Variants in ZNF468 observed in about 807,000 individuals in gnomAD.
The protein encoded by ZNF468 is zinc finger protein ZNF468.
ZNF468 carries 8 observed loss-of-function variants against 7.2 expected under a neutral mutation model. That is an observed-to-expected ratio of 1.11 (90% CI 0.65 to 2.01). The LOEUF is 2.01. Ranked by LOEUF, ZNF468 falls within the 30% of genes most tolerant of loss-of-function variation. The pLI, the probability that ZNF468 is intolerant of heterozygous loss-of-function variation, is 0.00. For missense variants in ZNF468, 608 were observed against 626.5 expected, an observed-to-expected ratio of 0.97 and a Z score of 0.31; for synonymous variants, 218 against 214.4, an observed-to-expected ratio of 1.02 and a Z score of -0.15.
chr19:52,839,984 G>A lies in ZNF468; in HGVS notation c.*741C>T, dbSNP rs1231132761. ...TTCCCTATACCATGGATTGCTTGAT[G>A]GTGAATAAGTGGTGACTGCCCACTA... On this transcript the variant is annotated 3_prime_UTR_variant, in exon 4 of 4. Coordinates refer to ENST00000595646, the MANE Select transcript of ZNF468 (RefSeq NM_001008801.2). 2.2e-5 allele frequency: 28 copies of A among 1,300,392 alleles called. No individual in the cohort carries two copies. Among genetic ancestry groups the A allele is most frequent in the Non-Finnish European group, 2.8e-5 (27 of 971,558 alleles). The allele number at this position is 1,300,392 out of a possible 1,614,324, so 80.6% of individuals were successfully genotyped here.
intron 2 of ZNF468, among the ~76,000 whole-genome samples, chr19:52,850,655 T>G (rs1207866715): frequency 2.0e-5 from 3 of 151,864 alleles, no homozygotes; most frequent in Non-Finnish European, 4.4e-5. Flanking sequence ...ATCCCAGCAC[T>G]TTGGGAGGCC....
rs750119524 is a variant in ZNF468, at chr19:52,842,067, C to T, written c.227G>A (p.Arg76Lys). The change falls in exon 4 of 4, where the codon AGA (arginine) becomes AAA (lysine). Residue 76 changes from arginine (R) to lysine (K), a missense_variant. Physicochemically the swap from Arg to Lys is conservative, Grantham distance 26. Coordinates refer to ENST00000595646, the MANE Select transcript of ZNF468 (RefSeq NM_001008801.2). The part of the protein sequence containing the change: ...TEVIHTGTLH[R>K]QASHHIGEFC... ...TTCTCCAATGTGATGACTTGCTTGT[C>T]TGTGCAATGTCCCTGTGTGGATCAC... 9 of 1,613,872 alleles carry T rather than the reference C, an allele frequency of 5.6e-6. No individual in the cohort carries two copies. Among genetic ancestry groups the T allele is most frequent in the Admixed American group, 3.3e-5 (2 of 59,984 alleles).
At chr19:52,853,003 C>T (rs930234329) in intron 2 of ZNF468, among the ~76,000 whole-genome samples, 1 of 151,528 alleles carries the variant, frequency 6.6e-6, no homozygotes, top group Non-Finnish European at 1.5e-5. Flanking sequence ...TACAGGTGCC[C>T]ACCACCACAC....
rs1473657844 is a variant in ZNF468, at chr19:52,841,829, C to G, written c.465G>C (p.Gln155His). 6.2e-7 allele frequency: 1 copy of G among 1,614,056 alleles called. No individual in the cohort carries two copies. Among genetic ancestry groups the G allele is most frequent in the Admixed American group, 1.7e-5 (1 of 60,008 alleles). The change falls in exon 4 of 4, where the codon CAG becomes CAC. Residue 155 changes from glutamine to histidine, a missense_variant. Physicochemically the swap from Gln to His is conservative, Grantham distance 24 (BLOSUM62 0). Transcript: ENST00000595646. The stretch of plus-strand genomic sequence containing the variant: ...CTTGATTACCAATTTTCCCTTCAGA[C>G]TGAAATATGTGCGGTTCAGGCAGAT... The part of the protein sequence containing the change: ...HLHLPEPHIF[Q>H]SEGKIGNQVE...
intron 1 of ZNF468, among the ~76,000 whole-genome samples, chr19:52,855,489 A>T (rs909412942): frequency 2.6e-5 from 4 of 152,316 alleles, no homozygotes; most frequent in South Asian, 4.2e-4. Context: ...ACTGGCAGGG[A>T]CCCTGAACAC....
chr19:52,845,039 A>G lies in ZNF468; in HGVS notation c.143-2888T>C, dbSNP rs532563028. 35 of 152,388 alleles carry G rather than the reference A, an allele frequency of 2.3e-4. 1 individual carries two copies. The highest frequency in any genetic ancestry group is 7.9e-4 in the African/African-American group (33 of 41,570). 9.4% of individuals were successfully genotyped at this position (152,388 alleles called of 1,614,324 possible). The stretch of plus-strand genomic sequence containing the variant: ...TGAGACAGGCAAAGTGTGGTGGCTC[A>G]TGCCAGTAATCCCAGCATTTTGGGA... On this transcript the variant is annotated intron_variant, in intron 3 of 3. Transcript: ENST00000595646.
intron 1 of ZNF468, among the ~76,000 whole-genome samples, chr19:52,857,266 T>A (rs1176496320): frequency 2.0e-5 from 3 of 152,066 alleles, no homozygotes; most frequent in Non-Finnish European, 4.4e-5. Context: ...GGAATACACC[T>A]CTAGGGTGAG....
At chr19:52,854,211 A>T in intron 2 of ZNF468, 47 bp downstream of exon 2, 1 of 1,613,268 alleles carries the variant, frequency 6.2e-7, no homozygotes, top group Non-Finnish European at 8.5e-7. Flanking sequence ...GGCCCAGGGT[A>T]TCTGAAAGGA....
In ZNF468 at chr19:52,854,528, G is replaced by A. The variant is rs540535748; in HGVS notation, c.-73-183C>T. 3.9e-5 allele frequency among the ~76,000 whole-genome samples: 6 copies of A among 152,160 alleles called. No individual in the cohort carries two copies. In the East Asian group the frequency reaches 7.7e-4, roughly 20 times the overall value. On this transcript the variant is annotated intron_variant, in intron 1 of 3. Transcript: ENST00000595646. The stretch of plus-strand genomic sequence containing the variant: ...TCCTCCTGGAGAAGCCCACACACAC[G>A]CTGCAGCAGTGGGGAGCTGGGCTGG...
intron 3 of ZNF468, chr19:52,846,601 A>C (rs1486735969): frequency 3.9e-5 from 6 of 155,792 alleles, no homozygotes; most frequent in Non-Finnish European, 7.0e-5. Flanking sequence ...AACACACTTC[A>C]CTTCTACGTA....
intron 3 of ZNF468, 59 bp downstream of exon 3, chr19:52,849,028 A>T: frequency 6.3e-7 from 1 of 1,599,964 alleles, no homozygotes; most frequent in South Asian, 1.1e-5. Flanking sequence ...CCTAAGAGAC[A>T]ATAAGAGAAA....
At chr19:52,855,687 C>CTT (rs66517452) in intron 1 of ZNF468, among the ~76,000 whole-genome samples, 9 of 120,030 alleles carry the variant, frequency 7.5e-5, no homozygotes, top group Admixed American at 2.5e-4. Flanking sequence ...CATTCTTCTG[C>CTT]TTTTTTTTTT....
chr19:52,847,511 C>T (rs1479253030), intron 3 of ZNF468, among the ~76,000 whole-genome samples: 5 of 151,228 alleles, frequency 3.3e-5, no homozygotes, highest in Non-Finnish European at 7.4e-5. Flanking sequence ...AGGGAGGCCT[C>T]TTTGCAGTTG....
At chr19:52,847,227 T>G (rs1001194756) in intron 3 of ZNF468, among the ~76,000 whole-genome samples, 2 of 152,006 alleles carry the variant, frequency 1.3e-5, no homozygotes, top group African/African-American at 4.8e-5. Context: ...GAATCAAGGT[T>G]TAATGGATTT....
chr19:52,845,925 C>T (rs2063338754), intron 3 of ZNF468, among the ~76,000 whole-genome samples: 1 of 151,904 alleles, frequency 6.6e-6, no homozygotes, highest in Admixed American at 6.6e-5. Context: ...ATCAGTTGTA[C>T]CCGAGACGCA....
In ZNF468 at chr19:52,841,402, G is replaced by A. The variant is rs2063298319; in HGVS notation, c.892C>T (p.Pro298Ser). ...IHKALHTGEK[P>S]YECEECDKVF... Reference sequence around the variant, plus strand: ...TTGTCACATTCTTCACATTCATAAGGTTTCTCTCCAGTATGAAGCGCTTTG... The same window carrying A: ...TTGTCACATTCTTCACATTCATAAGATTTCTCTCCAGTATGAAGCGCTTTG... Residue 298 changes from proline (P) to serine (S), a missense_variant, in exon 4 of 4, where the codon CCT (proline) becomes TCT (serine). Coordinates refer to ENST00000595646, the MANE Select transcript of ZNF468 (RefSeq NM_001008801.2). The A allele has an allele frequency of 1.9e-6, 3 of 1,613,878 alleles. No homozygotes were observed. Among genetic ancestry groups the A allele is most frequent in the African/African-American group, 1.3e-5 (1 of 74,868 alleles).
In ZNF468 at chr19:52,841,136, T is replaced by C. The variant is rs1462821883; in HGVS notation, c.1158A>G (p.Glu386=). The C allele has an allele frequency of 4.3e-6, 7 of 1,613,170 alleles. No homozygotes were observed. The Admixed American group carries it at 5.0e-5, about 12-fold the overall frequency. The change falls in exon 4 of 4, where the codon GAA becomes GAG. Residue 386 remains glutamate (E), a synonymous_variant. Transcript: ENST00000595646. ...TGCGACTGAAAACTTTGTCACACTC[T>C]TCACATTTGTAAGGTTTCTCTCCAG... ...LHTGEKPYKC[E]ECDKVFSRKS... is the part of the protein sequence containing the mutation.
chr19:52,840,968 C>T lies in ZNF468; in HGVS notation c.1326G>A (p.Lys442=). The stretch of plus-strand genomic sequence containing the variant: ...CCCTCTGGAAAGCCTTGTCACAAAC[C>T]TTACATTTGTATGGTTTCTCTCCAG... The part of the protein sequence containing the change: ...IHTGEKPYKC[K]VCDKAFQRDS... Residue 442 remains lysine (K), a synonymous_variant, in exon 4 of 4, where the codon AAG becomes AAA. Transcript: ENST00000595646. 6.2e-7 allele frequency: 1 copy of T among 1,613,830 alleles called. No individual in the cohort carries two copies. Among genetic ancestry groups the T allele is most frequent in the South Asian group, 1.1e-5 (1 of 91,068 alleles).
At chr19:52,844,780 C>T (rs986964028) in intron 3 of ZNF468, among the ~76,000 whole-genome samples, 2 of 152,082 alleles carry the variant, frequency 1.3e-5, no homozygotes, top group Non-Finnish European at 2.9e-5. Context: ...CTCAAGTGAT[C>T]AACCTGTTGC....
Sources: gnomAD v4.1 joint callset for allele counts (sites outside exome capture counted in the v4.1 genomes callset) on GRCh38, gnomAD v4.1.1 for gene constraint, MANE v1.5 for transcripts, NCBI Gene and HGNC (gene_info 2026-07-23, HGNC 2026-07-21) for gene names.